The following POLR3B variants were observed in gnomAD, a reference collection of about 807,000 sequenced individuals.
The protein encoded by POLR3B is RNA polymerase III subunit B.
POLR3B carries 96 observed loss-of-function variants against 147.4 expected under a neutral mutation model. The observed-to-expected ratio is 0.65, with a 90% CI of 0.55 to 0.77. The LOEUF is 0.77. Among genes scored for constraint, POLR3B ranks in the 30% least tolerant of loss-of-function variants. POLR3B has a pLI of 0.00. For synonymous variants in POLR3B, 461 were observed against 485.9 expected (o/e 0.95, Z 0.67); for missense variants, 1,036 against 1,413.5 (o/e 0.73, Z 4.28).
At chr12:106,429,762 T>G (rs189760586) in intron 13 of POLR3B, among the ~76,000 whole-genome samples, 133 of 152,330 alleles carry the variant, frequency 8.7e-4, no homozygotes, top group African/African-American at 2.8e-3. Flanking sequence ...AGTTTGTTCA[T>G]TATCCTAAGT....
intron 23 of POLR3B, among the ~76,000 whole-genome samples, chr12:106,464,376 G>A (rs1425462537): frequency 6.6e-6 from 1 of 152,192 alleles, no homozygotes; most frequent in South Asian, 2.1e-4. Flanking sequence ...CACTTTACAG[G>A]TGCTGACTCA....
chr12:106,469,104 GC>G (rs1311385880), intron 23 of POLR3B, among the ~76,000 whole-genome samples: 1 of 152,064 alleles, frequency 6.6e-6, no homozygotes, highest in East Asian at 1.9e-4. Flanking sequence ...CTAAGAACTT[GC>G]TTTATGAATC....
intron 24 of POLR3B, 106 bp from the exon 25 acceptor site, chr12:106,496,646 T>C (rs879822482): frequency 5.3e-6 from 5 of 944,200 alleles, no homozygotes; most frequent in Middle Eastern, 5.5e-4. Flanking sequence ...TATTAATTTA[T>C]TACTGTTATT....
intron 9 of POLR3B, among the ~76,000 whole-genome samples, chr12:106,381,109 T>G (rs1210747237): frequency 6.6e-6 from 1 of 152,246 alleles, no homozygotes; most frequent in Non-Finnish European, 1.5e-5. Flanking sequence ...TTTTTACTGG[T>G]AGAGGGTCTT....
intron 10 of POLR3B, among the ~76,000 whole-genome samples, chr12:106,403,432 C>T (rs1407771787): frequency 2.7e-5 from 4 of 150,932 alleles, no homozygotes; most frequent in Admixed American, 6.6e-5. Flanking sequence ...ACTAGAAATA[C>T]CATTTGACCC....
At chr12:106,396,936 T>TTTGTTG (rs201704192) in intron 10 of POLR3B, among the ~76,000 whole-genome samples, 2 of 151,292 alleles carry the variant, frequency 1.3e-5, no homozygotes, top group East Asian at 1.9e-4. Flanking sequence ...TACCAAAGGT[T>TTTGTTG]TTGTTGTTGT....
At chr12:106,418,836 T>C (rs1224165172) in intron 12 of POLR3B, among the ~76,000 whole-genome samples, 1 of 152,204 alleles carries the variant, frequency 6.6e-6, no homozygotes, top group Non-Finnish European at 1.5e-5. Flanking sequence ...TTTTTTCTTT[T>C]AAACTGAAAT....
chr12:106,496,646 T>A (rs879822482), intron 24 of POLR3B, 106 bp from the exon 25 acceptor site: 224 of 944,200 alleles, frequency 2.4e-4, no homozygotes, highest in Non-Finnish European at 3.5e-4. Flanking sequence ...TATTAATTTA[T>A]TACTGTTATT....
chr12:106,489,856 T>A (rs1231541839), intron 23 of POLR3B, among the ~76,000 whole-genome samples: 2 of 152,166 alleles, frequency 1.3e-5, no homozygotes, highest in East Asian at 3.9e-4. Context: ...GGCTGTCTGC[T>A]TTGCTTGATC....
chr12:106,486,546 G>A (rs747156790), intron 23 of POLR3B, among the ~76,000 whole-genome samples: 2 of 152,082 alleles, frequency 1.3e-5, no homozygotes, highest in Non-Finnish European at 2.9e-5. Context: ...GATGAATCCT[G>A]CTGTTTTTTA....
chr12:106,391,344 T>G (rs10778465), intron 9 of POLR3B, among the ~76,000 whole-genome samples: 37,495 of 152,070 alleles, frequency 0.25, 5,185 homozygotes, highest in African/African-American at 0.37. Context: ...AAAGTCATCA[T>G]ACGTGCCACC....
chr12:106,389,223 C>T (rs1593012755), intron 9 of POLR3B, among the ~76,000 whole-genome samples: 1 of 152,354 alleles, frequency 6.6e-6, no homozygotes, highest in Admixed American at 6.5e-5. Context: ...TCAGTTCGGT[C>T]TTTGCAGCTG....
At chr12:106,365,023 T>C (rs2036515241) in intron 2 of POLR3B, among the ~76,000 whole-genome samples, 1 of 152,036 alleles carries the variant, frequency 6.6e-6, no homozygotes, top group South Asian at 2.1e-4. Context: ...TAATCCCAGC[T>C]ACTTGGGAGG....
chr12:106,405,898 G>T lies in POLR3B; in HGVS notation c.888G>T (p.Met296Ile). ...GGAACAAAGTAAGAAGGCAAAGGAT[G>T]TGGGGAGGTGGACCAAAGAAAACCA... Reference protein sequence around the residue: ...YIGNKVRRQRMWGGGPKKTKI... With the variant: ...YIGNKVRRQRIWGGGPKKTKI... The change falls in exon 11 of 28, where the codon ATG (methionine) becomes ATT (isoleucine). Residue 296 changes from methionine (M) to isoleucine (I), a missense_variant. Around this residue, in one of 12 missense-constraint regions of POLR3B, gnomAD observed 217 missense variants for 288.7 expected, o/e 0.75. Coordinates refer to ENST00000228347, the MANE Select transcript of POLR3B (RefSeq NM_018082.6). 1 of 1,613,144 alleles carries T rather than the reference G, an allele frequency of 6.2e-7. No homozygotes were observed. The highest frequency in any genetic ancestry group is 8.5e-7 in the Non-Finnish European group (1 of 1,179,108).
intron 12 of POLR3B, among the ~76,000 whole-genome samples, chr12:106,417,554 T>C (rs976360558): frequency 6.6e-6 from 1 of 152,078 alleles, no homozygotes; most frequent in Non-Finnish European, 1.5e-5. Context: ...GTTTTCTAGA[T>C]GAGAGATAGT....
chr12:106,390,211 C>G (rs1433125700), intron 9 of POLR3B, among the ~76,000 whole-genome samples: 2 of 138,520 alleles, frequency 1.4e-5, no homozygotes, highest in African/African-American at 5.7e-5. Context: ...GAGTAAGACT[C>G]TGTCTCTGAA....
chr12:106,430,606 A>G, intron 14 of POLR3B, 133 bp downstream of exon 14: 1 of 728,132 alleles, frequency 1.4e-6, no homozygotes, highest in South Asian at 1.5e-5. Flanking sequence ...TTTATCTGGC[A>G]AATAAATATT....
chr12:106,409,677 T>G (rs1169884815), intron 11 of POLR3B, among the ~76,000 whole-genome samples: 1 of 151,668 alleles, frequency 6.6e-6, no homozygotes, highest in Non-Finnish European at 1.5e-5. Context: ...TTGCTTGTTT[T>G]TTTTTTTTTT....
intron 12 of POLR3B, among the ~76,000 whole-genome samples, chr12:106,417,159 G>T (rs370453296): frequency 6.6e-6 from 1 of 152,136 alleles, no homozygotes; most frequent in South Asian, 2.1e-4. Context: ...TATTCATCTC[G>T]TTATTTCCAC....
Sources: allele counts gnomAD v4.1 joint callset (sites outside exome capture counted in the v4.1 genomes callset), GRCh38; gene constraint gnomAD v4.1.1; regional missense constraint gnomAD v4.1.1; transcripts MANE v1.5; gene names NCBI Gene and HGNC (gene_info 2026-07-23, HGNC 2026-07-21).